The following CAPN8 variants were observed in gnomAD, a reference collection of about 807,000 sequenced individuals.
The protein encoded by CAPN8 is calpain-8.
A neutral mutation model predicts 80.9 loss-of-function variants in CAPN8; 87 were observed. The observed-to-expected ratio is 1.07, with a 90% CI of 0.90 to 1.28. CAPN8 has a LOEUF of 1.28. Ranked by LOEUF, CAPN8 falls within the 50% of genes most tolerant of loss-of-function variation. The pLI is 0.00. For missense variants in CAPN8, 757 were observed against 702.0 expected (o/e 1.08, Z -0.89); for synonymous variants, 299 against 273.8 (o/e 1.09, Z -0.91).
At chr1:223,659,644 G>A (rs1236100088) in intron 1 of CAPN8, among the ~76,000 whole-genome samples, 1 of 152,046 alleles carries the variant, frequency 6.6e-6, no homozygotes, top group Non-Finnish European at 1.5e-5. Context: ...TTCTTCCCCT[G>A]AACTCCCATA....
At chr1:223,663,348 C>T (rs1329847437) in intron 1 of CAPN8, among the ~76,000 whole-genome samples, 4 of 152,180 alleles carry the variant, frequency 2.6e-5, no homozygotes, top group Non-Finnish European at 4.4e-5. Context: ...CCCCTCCTTC[C>T]TCTCCCCCAA....
At position 223,619,176 on chromosome 1, in the gene CAPN8, A is replaced by T. The variant is rs1483347941; in HGVS notation, c.1135+117T>A. On this transcript the variant is annotated intron_variant, in intron 9 of 20. Transcript: ENST00000366872. ...GCCACTACACTCCAACCTGGGGAAC[A>T]GAGCAAGGCCCTGTCTCAAAAAAAC... is the stretch of plus-strand genomic sequence containing the variant. 8.9e-6 allele frequency: 11 copies of T among 1,236,312 alleles called. No individual in the cohort carries two copies. In the East Asian group the frequency reaches 2.6e-4, roughly 29 times the overall value. 76.6% of individuals were successfully genotyped at this position (1,236,312 alleles called of 1,614,324 possible).
chr1:223,637,448 C>T (rs1657931613), intron 2 of CAPN8, among the ~76,000 whole-genome samples: 1 of 152,186 alleles, frequency 6.6e-6, no homozygotes, highest in Non-Finnish European at 1.5e-5. Context: ...TGATTCCCAT[C>T]ACCATCCAGC....
chr1:223,609,864 G>A (rs1656988184), intron 11 of CAPN8, among the ~76,000 whole-genome samples: 1 of 152,226 alleles, frequency 6.6e-6, no homozygotes, highest in Non-Finnish European at 1.5e-5. Flanking sequence ...AGGATGGTCA[G>A]TCTGGGAACC....
intron 1 of CAPN8, among the ~76,000 whole-genome samples, chr1:223,658,445 T>TAC (rs1658555185): frequency 6.6e-6 from 1 of 152,074 alleles, no homozygotes; most frequent in African/African-American, 2.4e-5. Context: ...GAAAAACACA[T>TAC]ACACACACAC....
chr1:223,622,986 T>A, intron 6 of CAPN8, 86 bp from the exon 7 acceptor site: 1 of 1,106,268 alleles, frequency 9.0e-7, no homozygotes, highest in Non-Finnish European at 1.3e-6. Context: ...GGATCTGCAT[T>A]AAATTTTTCA....
At chr1:223,654,919 C>G (rs1365947041) in intron 1 of CAPN8, among the ~76,000 whole-genome samples, 1 of 146,930 alleles carries the variant, frequency 6.8e-6, no homozygotes, top group Non-Finnish European at 1.5e-5. Context: ...GTTGAACTGA[C>G]CTCAAGTGAT....
In CAPN8 at chr1:223,619,299, A is replaced by G. The variant is rs930916972; in HGVS notation, c.1129T>C (p.Tyr377His). Residue 377 changes from tyrosine (Y) to histidine (H), a missense_variant, in exon 9 of 21, where the codon TAC (tyrosine) becomes CAC (histidine). Coordinates refer to ENST00000366872, the MANE Select transcript of CAPN8 (RefSeq NM_001143962.2). ...RGSTAGGCQN[Y>H]PATYWTNPQF... The stretch of plus-strand genomic sequence containing the variant: ...AGGCAGCCCTTCACCTTACCTGGGT[A>G]GTTCTGGCAGCCCCCAGCTGTGGAG... The G allele has an allele frequency of 5.8e-6, 9 of 1,551,558 alleles. No individual in the cohort carries two copies. In the African/African-American group the frequency reaches 1.2e-4, roughly 21 times the overall value.
At chr1:223,620,544 G>A (rs1657356506) in intron 7 of CAPN8, among the ~76,000 whole-genome samples, 1 of 152,080 alleles carries the variant, frequency 6.6e-6, no homozygotes, top group African/African-American at 2.4e-5. Context: ...TACTCTCTAG[G>A]GCAAATTTGA....
chr1:223,632,816 G>A (rs775358460), intron 2 of CAPN8, among the ~76,000 whole-genome samples: 14 of 152,232 alleles, frequency 9.2e-5, no homozygotes, highest in Admixed American at 3.9e-4. Flanking sequence ...TCAGGAGTTA[G>A]TGCTCACTCA....
intron 4 of CAPN8, among the ~76,000 whole-genome samples, chr1:223,627,786 T>A (rs1460652790): frequency 6.6e-6 from 1 of 152,136 alleles, no homozygotes; most frequent in Admixed American, 6.5e-5. Flanking sequence ...CCCCACCACA[T>A]ACACATTCAC....
Position 223,627,150 on chromosome 1 carries a change from C to A in CAPN8, c.568G>T (p.Gly190Cys), listed in dbSNP as rs1014090431. The change falls in exon 5 of 21, where the codon GGT (glycine) becomes TGT (cysteine). Residue 190 changes from glycine to cysteine, a missense_variant. Transcript: ENST00000366872. ...LLEKAYAKLN[G>C]CYEALAGGST... Reference sequence around the variant, plus strand: ...CCTCCAGCGAGAGCCTCATAACAACCATTAAGCCTATTGGAAAAGAAAGAA... The same window carrying A: ...CCTCCAGCGAGAGCCTCATAACAACAATTAAGCCTATTGGAAAAGAAAGAA... The A allele has an allele frequency of 1.9e-6, 3 of 1,552,328 alleles. No individual in the cohort carries two copies. The highest frequency in any genetic ancestry group is 2.6e-6 in the Non-Finnish European group (3 of 1,147,118).
At chr1:223,555,469 C>T (rs1332146200) in intron 13 of CAPN8, among the ~76,000 whole-genome samples, 4 of 152,186 alleles carry the variant, frequency 2.6e-5, no homozygotes, top group African/African-American at 7.2e-5. Flanking sequence ...TCTAAAAATA[C>T]ATCTAGATTT....
chr1:223,634,559 T>C (rs1451788305), intron 2 of CAPN8, among the ~76,000 whole-genome samples: 1 of 152,160 alleles, frequency 6.6e-6, no homozygotes. Flanking sequence ...CAAAATACCA[T>C]ACACTTGATG....
At chr1:223,663,426 T>A (rs1658703715) in intron 1 of CAPN8, among the ~76,000 whole-genome samples, 3 of 152,098 alleles carry the variant, frequency 2.0e-5, no homozygotes, top group Admixed American at 2.0e-4. Flanking sequence ...CAACCCAGGT[T>A]CCCATGGCCC....
chr1:223,618,988 G>A (rs946775389), intron 9 of CAPN8, among the ~76,000 whole-genome samples: 6 of 152,176 alleles, frequency 3.9e-5, no homozygotes, highest in Non-Finnish European at 5.9e-5. Flanking sequence ...CTAGGAGCTC[G>A]AGACCAGCCT....
chr1:223,550,736 C>T (rs952775862), intron 15 of CAPN8, among the ~76,000 whole-genome samples: 17 of 149,388 alleles, frequency 1.1e-4, no homozygotes, highest in Non-Finnish European at 2.5e-4. Flanking sequence ...GTGCTGGCTG[C>T]TTGCCAGCAC....
intron 1 of CAPN8, among the ~76,000 whole-genome samples, chr1:223,658,352 T>C (rs890262637): frequency 2.0e-5 from 3 of 152,148 alleles, no homozygotes; most frequent in African/African-American, 7.2e-5. Flanking sequence ...ATATACAGAA[T>C]GGTGCTAAGT....
chr1:223,555,222 G>C (rs1001343211), intron 13 of CAPN8, among the ~76,000 whole-genome samples: 21 of 152,140 alleles, frequency 1.4e-4, no homozygotes, highest in Non-Finnish European at 2.8e-4. Flanking sequence ...GGACAAACTG[G>C]AATTTTAAAT....
Sources: allele counts gnomAD v4.1 joint callset (sites outside exome capture counted in the v4.1 genomes callset), GRCh38; gene constraint gnomAD v4.1.1; transcripts MANE v1.5; gene names NCBI Gene and HGNC (gene_info 2026-07-23, HGNC 2026-07-21).